CACNA1D: variants seen among roughly 807,000 people sequenced by gnomAD.
CACNA1D encodes the protein voltage-dependent L-type calcium channel subunit alpha-1D.
Under a neutral mutation model 257.1 loss-of-function variants are expected in CACNA1D, and 55 were observed. That is an observed-to-expected ratio of 0.21 (90% CI 0.17 to 0.27). The LOEUF (loss-of-function observed/expected upper bound fraction) is 0.27. Ranked by LOEUF, CACNA1D falls within the 10% of genes least tolerant of loss-of-function variation. The pLI is 1.00. For synonymous variants in CACNA1D, 980 were observed against 1,014.9 expected (o/e 0.97, Z 0.65); for missense variants, 1,876 against 2,784.0 (o/e 0.67, Z 7.34).
At chr3:53,573,394 T>A (rs1233769627) in intron 3 of CACNA1D, among the ~76,000 whole-genome samples, 3 of 152,244 alleles carry the variant, frequency 2.0e-5, no homozygotes, top group Non-Finnish European at 4.4e-5. Context: ...CCCTGGGGCC[T>A]TTGTACTTGC....
At chr3:53,780,579 GCTC>G (rs1165195221) in intron 38 of CACNA1D, among the ~76,000 whole-genome samples, 1 of 152,230 alleles carries the variant, frequency 6.6e-6, no homozygotes, top group African/African-American at 2.4e-5. Flanking sequence ...GTCTGCAAAA[GCTC>G]CTTTGCAGTG....
intron 30 of CACNA1D, among the ~76,000 whole-genome samples, chr3:53,767,142 C>T (rs536132453): frequency 3.9e-5 from 6 of 152,216 alleles, no homozygotes; most frequent in Non-Finnish European, 7.4e-5. Flanking sequence ...TCTGTATGGC[C>T]GCTCGAGATC....
At chr3:53,766,118 A>C (rs1104799) in intron 30 of CACNA1D, 1 of 152,122 alleles carries the variant, frequency 6.6e-6, no homozygotes, top group African/African-American at 2.4e-5. Context: ...ATTATTACTT[A>C]CTTTGAAGGA....
chr3:53,548,076 G>A (rs1241064787), intron 3 of CACNA1D, among the ~76,000 whole-genome samples: 1 of 152,178 alleles, frequency 6.6e-6, no homozygotes, highest in Non-Finnish European at 1.5e-5. Flanking sequence ...AGGAGTAGAG[G>A]TGATTTGCAA....
At chr3:53,626,877 C>G (rs574278752) in intron 3 of CACNA1D, among the ~76,000 whole-genome samples, 1 of 152,112 alleles carries the variant, frequency 6.6e-6, no homozygotes, top group Non-Finnish European at 1.5e-5. Flanking sequence ...GTTAACGAAA[C>G]GTCAGTGTTT....
intron 26 of CACNA1D, among the ~76,000 whole-genome samples, chr3:53,748,422 C>A (rs898772121): frequency 1.3e-5 from 2 of 152,130 alleles, no homozygotes; most frequent in Admixed American, 1.3e-4. Context: ...GGGGCTTGTT[C>A]ATTAGGGATT....
In CACNA1D at chr3:53,772,563, T is replaced by G. The variant is rs373632055; in HGVS notation, c.4045-270T>G. On this transcript the variant is annotated intron_variant, in intron 32 of 47. Transcript: ENST00000350061. Reference sequence around the variant, plus strand: ...AGTTACGTGTCTGTGTTGAAAATGTTTAGGGTTAGGCTACAGGGTTAATGA... The same window carrying G: ...AGTTACGTGTCTGTGTTGAAAATGTGTAGGGTTAGGCTACAGGGTTAATGA... Among the ~76,000 whole-genome samples, 40 of 152,312 alleles carry G rather than the reference T, an allele frequency of 2.6e-4. No homozygotes were observed. In the East Asian group the frequency reaches 4.4e-3, roughly 17 times the overall value.
At chr3:53,809,905 G>T in intron 46 of CACNA1D, 73 bp from the exon 47 acceptor site, 3 of 1,424,716 alleles carry the variant, frequency 2.1e-6, no homozygotes, top group Non-Finnish European at 3.0e-6. Context: ...CCGGTGCTTG[G>T]TCTGTGCGCA....
intron 14 of CACNA1D, among the ~76,000 whole-genome samples, chr3:53,724,703 A>G (rs968486241): frequency 3.3e-5 from 5 of 152,144 alleles, no homozygotes; most frequent in African/African-American, 4.8e-5. Context: ...ACCTGTCCTC[A>G]TTGCTTTTCC....
chr3:53,508,707 C>T (rs1341922775), intron 3 of CACNA1D, among the ~76,000 whole-genome samples: 1 of 152,058 alleles, frequency 6.6e-6, no homozygotes, highest in Non-Finnish European at 1.5e-5. Context: ...TACTTTTTAA[C>T]TGTCTGACAA....
At chr3:53,744,151 T>C (rs1026094629) in intron 22 of CACNA1D, among the ~76,000 whole-genome samples, 2 of 151,960 alleles carry the variant, frequency 1.3e-5, no homozygotes, top group African/African-American at 2.4e-5. Context: ...CCCCTCCCTA[T>C]TGTCCTCGCT....
chr3:53,676,990 A>G (rs1432906764), intron 8 of CACNA1D, among the ~76,000 whole-genome samples: 8 of 152,246 alleles, frequency 5.3e-5, no homozygotes, highest in Admixed American at 3.9e-4. Flanking sequence ...GGAATTGGAA[A>G]GAATGTCTTC....
At chr3:53,745,935 T>C in intron 25 of CACNA1D, 60 bp downstream of exon 25, 2 of 1,321,106 alleles carry the variant, frequency 1.5e-6, no homozygotes, top group South Asian at 2.4e-5. Context: ...CTTCAAGGAT[T>C]CACACATGTT....
chr3:53,760,749 T>G (rs909787466), intron 29 of CACNA1D, among the ~76,000 whole-genome samples: 3 of 152,194 alleles, frequency 2.0e-5, no homozygotes, highest in African/African-American at 4.8e-5. Flanking sequence ...CCCTCAAAAT[T>G]GTTGCAAGAT....
At chr3:53,796,491 C>A in intron 40 of CACNA1D, 1 of 430,356 alleles carries the variant, frequency 2.3e-6, no homozygotes, top group Non-Finnish European at 4.8e-6. Flanking sequence ...ATGGAGCTAG[C>A]TTAGGGACAC....
Position 53,789,486 on chromosome 3 carries a change from G to A in CACNA1D, c.4923+2534G>A, listed in dbSNP as rs929551841. ...TTTCGTTTCTGCGTGATGAAATACC[G>A]GGTGACGATGTAGCAGTTAGGAAAA... On this transcript the variant is annotated intron_variant, in intron 40 of 47. Transcript: ENST00000350061. This position sits in a 1 kb window ranked among gnomAD's most constrained non-coding sequence, Gnocchi z 4.2. 5.3e-5 allele frequency among the ~76,000 whole-genome samples: 8 copies of A among 152,188 alleles called. No homozygotes were observed. The highest frequency in any genetic ancestry group is 1.9e-4 in the East Asian group (1 of 5,190).
rs1416677809 is a variant in CACNA1D, at chr3:53,673,196, T to C, written c.1220+70T>C. ...GTTGCCAAGACCACACAAGCTTTGC[T>C]GGATGAGGGCCGCCAAGAGGGGTTG... On this transcript the variant is annotated intron_variant, in intron 8 of 47. Transcript: ENST00000350061. This position sits in a 1 kb window ranked among gnomAD's most constrained non-coding sequence, Gnocchi z 4.1. 1 of 1,058,226 alleles carries C rather than the reference T, an allele frequency of 9.4e-7. No homozygotes were observed. Among genetic ancestry groups the C allele is most frequent in the Non-Finnish European group, 1.4e-6 (1 of 701,062 alleles). The allele number at this position is 1,058,226 out of a possible 1,614,324, so 65.6% of individuals were successfully genotyped here. A position where few individuals can be genotyped will look rare whatever the true frequency, so the allele number is the denominator to read the frequency against.
chr3:53,556,222 T>C (rs546968906), intron 3 of CACNA1D, among the ~76,000 whole-genome samples: 3 of 152,374 alleles, frequency 2.0e-5, no homozygotes, highest in African/African-American at 7.2e-5. Context: ...CTGGTGATTA[T>C]AAAAAGGTGC....
In CACNA1D at chr3:53,723,595, A is replaced by T; in HGVS notation, c.1828A>T (p.Met610Leu). 2 of 1,613,994 alleles carry T rather than the reference A, an allele frequency of 1.2e-6. No individual in the cohort carries two copies. Among genetic ancestry groups the T allele is most frequent in the Non-Finnish European group, 1.7e-6 (2 of 1,179,990 alleles). The part of the protein sequence containing the change: ...TETILVELEI[M>L]SPLGISVFRC... The stretch of plus-strand genomic sequence containing the variant: ...GACGATCTTGGTGGAACTGGAAATC[A>T]TGTCTCCCCTGGGGATCTCTGTGTT... The change falls in exon 13 of 48, where the codon ATG (methionine) becomes TTG (leucine). Residue 610 changes from methionine to leucine, a missense_variant. Coordinates refer to ENST00000350061, the MANE Select transcript of CACNA1D (RefSeq NM_001128840.3). The surrounding 1 kb of genome is among the most constrained non-coding windows in gnomAD (Gnocchi z 5.6).
Sources: gnomAD v4.1 joint callset for allele counts (sites outside exome capture counted in the v4.1 genomes callset) on GRCh38, gnomAD v4.1.1 for gene constraint, Gnocchi (gnomAD v3.1) non-coding constraint, MANE v1.5 for transcripts, NCBI Gene and HGNC (gene_info 2026-07-23, HGNC 2026-07-21) for gene names.